CFAP54: variants seen among roughly 807,000 people sequenced by gnomAD.
CFAP54 encodes cilia and flagella associated protein 54.
A neutral mutation model predicts 370.4 loss-of-function variants in CFAP54; 290 were observed. The ratio of observed to expected loss-of-function variants is 0.78; its 90% confidence interval spans 0.71 to 0.86. The LOEUF (loss-of-function observed/expected upper bound fraction) is 0.86, where lower values mean the gene tolerates loss of function less well. Ranked by LOEUF, CFAP54 falls within the 40% of genes least tolerant of loss-of-function variation. CFAP54 has a pLI of 0.00. For synonymous variants in CFAP54, 1,206 were observed against 1,236.5 expected (o/e 0.98, Z 0.52); for missense variants, 3,399 against 3,528.7 (o/e 0.96, Z 0.93).
At chr12:96,533,739 A>ATAAATATTTAT in intron 9 of CFAP54, 53 bp from the exon 10 acceptor site, 4 of 1,267,066 alleles carry the variant, frequency 3.2e-6, no homozygotes, top group Non-Finnish European at 4.2e-6. Context: ...TGAATATTTA[A>ATAAATATTTAT]TAAATATTTA....
chr12:96,742,297 G>T, intron 51 of CFAP54, 142 bp from the exon 52 acceptor site: 2 of 584,374 alleles, frequency 3.4e-6, no homozygotes, highest in Non-Finnish European at 5.8e-6. Context: ...TTTATAGAAT[G>T]TGCAAGAATC....
At chr12:96,756,779 C>T (rs148993546) in intron 57 of CFAP54, among the ~76,000 whole-genome samples, 2,627 of 152,238 alleles carry the variant, frequency 0.017, 40 homozygotes, top group South Asian at 0.066. Context: ...GGATATTGGC[C>T]TGTACCCAGA....
Position 96,685,196 on chromosome 12 carries a change from G to C in CFAP54, c.5972G>C (p.Trp1991Ser), listed in dbSNP as rs533066513. Reference sequence around the variant, plus strand: ...GAGTTTCTGTCAAGAGTTGGCATCTGGGGGTGTTTGCAAGGAGCAGTCATA... The same window carrying C: ...GAGTTTCTGTCAAGAGTTGGCATCTCGGGGTGTTTGCAAGGAGCAGTCATA... ...SEEFLSRVGI[W>S]GCLQGAVISA... is the part of the protein sequence containing the mutation. Residue 1991 changes from tryptophan (W) to serine (S), a missense_variant, in exon 42 of 68, where the codon TGG becomes TCG. Coordinates refer to ENST00000524981, the MANE Select transcript of CFAP54 (RefSeq NM_001306084.2). 6.2e-7 allele frequency: 1 copy of C among 1,614,082 alleles called. No homozygotes were observed. The highest frequency in any genetic ancestry group is 1.3e-5 in the African/African-American group (1 of 75,046).
intron 26 of CFAP54, among the ~76,000 whole-genome samples, chr12:96,607,297 A>G (rs1213181737): frequency 6.6e-6 from 1 of 152,002 alleles, no homozygotes; most frequent in Non-Finnish European, 1.5e-5. Flanking sequence ...TTGTGTTTTT[A>G]CTCTCATCAT....
At chr12:96,702,028 T>A (rs1004545275) in intron 46 of CFAP54, among the ~76,000 whole-genome samples, 1 of 152,054 alleles carries the variant, frequency 6.6e-6, no homozygotes, top group Non-Finnish European at 1.5e-5. Flanking sequence ...GTGATTGAGA[T>A]GATTGTGCCG....
At chr12:96,507,199 G>A (rs1565878362) in intron 4 of CFAP54, 100 bp downstream of exon 4, 12 of 904,530 alleles carry the variant, frequency 1.3e-5, no homozygotes, top group Admixed American at 3.7e-5. Context: ...TAAAACATAC[G>A]CATTTCATAA....
intron 60 of CFAP54, among the ~76,000 whole-genome samples, chr12:96,773,928 C>G (rs1689362957): frequency 6.6e-6 from 1 of 152,020 alleles, no homozygotes; most frequent in African/African-American, 2.4e-5. Flanking sequence ...TATTTTTTGC[C>G]AAGATCATTC....
At chr12:96,696,437 T>C in intron 45 of CFAP54, among the ~76,000 whole-genome samples, 1 of 151,916 alleles carries the variant, frequency 6.6e-6, no homozygotes, top group Non-Finnish European at 1.5e-5. Flanking sequence ...CAAGAGGAGA[T>C]CTAGAGGGGC....
chr12:96,540,711 C>A (rs1005093941), intron 13 of CFAP54, 126 bp from the exon 14 acceptor site: 9 of 485,052 alleles, frequency 1.9e-5, no homozygotes, highest in Non-Finnish European at 1.4e-5. Context: ...AGGAGGGGTA[C>A]CTGTGTAACA....
At chr12:96,503,276 CTTTCCTTTCCCCTTCTCTTCCCTTTTCT>C (rs1353691990) in intron 2 of CFAP54, among the ~76,000 whole-genome samples, 1 of 140,494 alleles carries the variant, frequency 7.1e-6, no homozygotes, top group Non-Finnish European at 1.5e-5. Context: ...TTCCCCCTTC[CTTTCCTTTCCCCTTCTCTTCCCTTTTCT>C]TTTCCTTTCC....
At chr12:96,816,844 C>T (rs1252413744) in intron 64 of CFAP54, among the ~76,000 whole-genome samples, 2 of 152,252 alleles carry the variant, frequency 1.3e-5, no homozygotes, top group East Asian at 3.8e-4. Context: ...CCCTGGTCCA[C>T]TCTGCCTTCA....
intron 33 of CFAP54, chr12:96,645,806 A>G (rs1428032700): frequency 1.3e-5 from 2 of 152,228 alleles, no homozygotes; most frequent in African/African-American, 4.8e-5. Context: ...CATATCTACA[A>G]CTATCTGATC....
intron 1 of CFAP54, among the ~76,000 whole-genome samples, chr12:96,500,546 G>A (rs1460168623): frequency 6.6e-6 from 1 of 151,980 alleles, no homozygotes; most frequent in African/African-American, 2.4e-5. Flanking sequence ...GGGGGCACAG[G>A]GTATATATGG....
At chr12:96,787,386 T>C (rs2136696869) in intron 62 of CFAP54, among the ~76,000 whole-genome samples, 1 of 152,326 alleles carries the variant, frequency 6.6e-6, no homozygotes, top group Admixed American at 6.5e-5. Context: ...GACTTTTTAT[T>C]TGGAAAAGTG....
chr12:96,639,941 AGCTATCT>A (rs1229468728), intron 32 of CFAP54, among the ~76,000 whole-genome samples: 2 of 152,164 alleles, frequency 1.3e-5, no homozygotes, highest in African/African-American at 4.8e-5. Flanking sequence ...AAATAATAAG[AGCTATCT>A]ATGACAAACC....
At chr12:96,506,795 C>T in intron 3 of CFAP54, 133 bp from the exon 4 acceptor site, 1 of 649,878 alleles carries the variant, frequency 1.5e-6, no homozygotes, top group Non-Finnish European at 2.5e-6. Flanking sequence ...TCATGTTGGC[C>T]AGGCTGGTCT....
chr12:96,535,053 T>TGTGTG (rs5800253), intron 11 of CFAP54, among the ~76,000 whole-genome samples: 1 of 142,230 alleles, frequency 7.0e-6, no homozygotes, highest in African/African-American at 2.8e-5. Flanking sequence ...TGTGTGTGTG[T>TGTGTG]TTATTTATTT....
intron 60 of CFAP54, among the ~76,000 whole-genome samples, chr12:96,772,917 C>T (rs1453390374): frequency 6.6e-6 from 1 of 152,084 alleles, no homozygotes; most frequent in East Asian, 1.9e-4. Flanking sequence ...GACTGGTCTG[C>T]AATCTTAATT....
chr12:96,613,924 T>C (rs1369170332), intron 26 of CFAP54, among the ~76,000 whole-genome samples: 1 of 150,476 alleles, frequency 6.6e-6, no homozygotes, highest in African/African-American at 2.4e-5. Flanking sequence ...AGCCGAATTC[T>C]ACCAGAGGTA....
Sources: allele counts gnomAD v4.1 joint callset (sites outside exome capture counted in the v4.1 genomes callset), GRCh38; gene constraint gnomAD v4.1.1; transcripts MANE v1.5; gene names NCBI Gene and HGNC (gene_info 2026-07-23, HGNC 2026-07-21).